The following PABPC4L variants were observed in gnomAD, a reference collection of about 807,000 sequenced individuals.
PABPC4L encodes polyadenylate-binding protein 4-like.
For synonymous variants in PABPC4L, 169 were observed against 164.1 expected, an observed-to-expected ratio of 1.03 and a Z score of -0.23; for missense variants, 452 against 451.4, an observed-to-expected ratio of 1.00 and a Z score of -0.01.
chr4:134,044,370 T>C, the PABPC4L span, among the ~76,000 whole-genome samples: 4 of 152,086 alleles, frequency 2.6e-5, no homozygotes, highest in East Asian at 7.7e-4. Flanking sequence ...TTCACAGCAT[T>C]CTCCTGCCTC....
At chr4:134,177,300 C>T in the PABPC4L span, among the ~76,000 whole-genome samples, 1 of 151,274 alleles carries the variant, frequency 6.6e-6, no homozygotes, top group Non-Finnish European at 1.5e-5. Flanking sequence ...CTTTGGCCTC[C>T]CAACAGCTGG....
chr4:133,960,346 C>T, the PABPC4L span, among the ~76,000 whole-genome samples: 1 of 152,104 alleles, frequency 6.6e-6, no homozygotes. Flanking sequence ...AGATTTTGAC[C>T]TCACCTGGAG....
chr4:133,993,410 C>T, the PABPC4L span, among the ~76,000 whole-genome samples: 3 of 152,004 alleles, frequency 2.0e-5, no homozygotes, highest in Non-Finnish European at 4.4e-5. Context: ...TGTGGGCTGC[C>T]CCATAAATTC....
chr4:134,121,265 C>T, the PABPC4L span, among the ~76,000 whole-genome samples: 8 of 151,026 alleles, frequency 5.3e-5, no homozygotes, highest in Non-Finnish European at 1.0e-4. Context: ...ATCAGGATTA[C>T]CTGTGGGTCT....
At chr4:134,127,229 C>T in the PABPC4L span, among the ~76,000 whole-genome samples, 1 of 152,018 alleles carries the variant, frequency 6.6e-6, no homozygotes, top group African/African-American at 2.4e-5. Context: ...GACATAATCT[C>T]TTGGAAGCTC....
the PABPC4L span, among the ~76,000 whole-genome samples, chr4:134,105,066 G>T: frequency 5.5e-3 from 842 of 151,804 alleles, 4 homozygotes; most frequent in Non-Finnish European, 6.4e-3. Context: ...AACAAAAATT[G>T]TTAATACAAC....
the PABPC4L span, among the ~76,000 whole-genome samples, chr4:134,050,504 A>C: frequency 6.6e-6 from 1 of 152,044 alleles, no homozygotes; most frequent in Non-Finnish European, 1.5e-5. Context: ...GAGGAGTTCA[A>C]GATCAGCCTG....
the PABPC4L span, among the ~76,000 whole-genome samples, chr4:134,153,241 G>A: frequency 4.0e-5 from 6 of 151,728 alleles, no homozygotes; most frequent in East Asian, 1.9e-4. Flanking sequence ...GGTATTAATC[G>A]CAATATAAAA....
chr4:134,169,596 C>A, the PABPC4L span, among the ~76,000 whole-genome samples: 2 of 151,954 alleles, frequency 1.3e-5, no homozygotes, highest in South Asian at 4.2e-4. Flanking sequence ...AGTAAAATTG[C>A]AGGATACAAA....
At chr4:133,999,143 A>C in the PABPC4L span, among the ~76,000 whole-genome samples, 1 of 152,026 alleles carries the variant, frequency 6.6e-6, no homozygotes, top group African/African-American at 2.4e-5. Flanking sequence ...TACATCAACA[A>C]ACATAGCATA....
chr4:134,011,360 T>G, the PABPC4L span, among the ~76,000 whole-genome samples: 1 of 152,114 alleles, frequency 6.6e-6, no homozygotes, highest in Admixed American at 6.6e-5. Context: ...AGAATGAGGA[T>G]GCTGGTGTCA....
the PABPC4L span, among the ~76,000 whole-genome samples, chr4:133,960,077 C>T: frequency 6.6e-6 from 1 of 152,174 alleles, no homozygotes; most frequent in Non-Finnish European, 1.5e-5. Context: ...GGCAGAATTA[C>T]ATTGCAGCTC....
the PABPC4L span, among the ~76,000 whole-genome samples, chr4:134,065,366 A>G: frequency 2.6e-5 from 4 of 152,042 alleles, no homozygotes; most frequent in Non-Finnish European, 4.4e-5. Context: ...CATTTTTTAT[A>G]TGCTTGTTGG....
At chr4:134,016,799 C>T in the PABPC4L span, among the ~76,000 whole-genome samples, 3 of 152,184 alleles carry the variant, frequency 2.0e-5, no homozygotes, top group Non-Finnish European at 4.4e-5. Context: ...GATCACTTCT[C>T]AGTGTTCCAT....
the PABPC4L span, among the ~76,000 whole-genome samples, chr4:134,058,266 A>T: frequency 1.3e-5 from 2 of 152,064 alleles, no homozygotes; most frequent in Admixed American, 6.6e-5. Context: ...GAGTAAGAAA[A>T]ATAGATTTGT....
chr4:133,989,668 A>T, the PABPC4L span, among the ~76,000 whole-genome samples: 1 of 151,944 alleles, frequency 6.6e-6, no homozygotes, highest in Non-Finnish European at 1.5e-5. Flanking sequence ...GAGCCCTCCA[A>T]ACTGTTCCAA....
chr4:134,170,070 T>C, the PABPC4L span, among the ~76,000 whole-genome samples: 4 of 152,138 alleles, frequency 2.6e-5, no homozygotes, highest in African/African-American at 9.6e-5. Context: ...GTGTCTGTTT[T>C]TCCCAAGTAG....
chr4:134,096,737 A>G, the PABPC4L span, among the ~76,000 whole-genome samples: 1 of 152,008 alleles, frequency 6.6e-6, no homozygotes, highest in African/African-American at 2.4e-5. Context: ...GTTAGAAACT[A>G]AAGAAATAAA....
the PABPC4L span, among the ~76,000 whole-genome samples, chr4:134,187,153 G>T: frequency 6.6e-6 from 1 of 151,958 alleles, no homozygotes. Context: ...CAAGGATCTA[G>T]AACTAGAAAT....
Sources: allele counts gnomAD v4.1 joint callset (sites outside exome capture counted in the v4.1 genomes callset), GRCh38; gene constraint gnomAD v4.1.1; transcripts MANE v1.5; gene names NCBI Gene and HGNC (gene_info 2026-07-23, HGNC 2026-07-21).